NRXN1: variants seen among roughly 807,000 people sequenced by gnomAD.
The protein encoded by NRXN1 is neurexin 1.
Under a neutral mutation model 150.9 loss-of-function variants are expected in NRXN1, and 39 were observed. The observed-to-expected ratio is 0.26, with a 90% CI of 0.20 to 0.34. NRXN1 has a LOEUF of 0.34. Ranked by LOEUF, NRXN1 falls within the 10% of genes least tolerant of loss-of-function variation. The pLI, the probability that NRXN1 is intolerant of heterozygous loss-of-function variation, is 1.00. For missense variants in NRXN1, 1,815 were observed against 1,949.9 expected, an observed-to-expected ratio of 0.93 and a Z score of 1.30; for synonymous variants, 924 against 757.0, an observed-to-expected ratio of 1.22 and a Z score of -3.62.
At chr2:50,374,632 T>C (rs2080351003) in intron 17 of NRXN1, among the ~76,000 whole-genome samples, 1 of 152,112 alleles carries the variant, frequency 6.6e-6, no homozygotes, top group Non-Finnish European at 1.5e-5. Context: ...TTTAAGTGAC[T>C]TACCTTATTT....
intron 14 of NRXN1, 78 bp from the exon 15 acceptor site, chr2:50,496,173 AGATT>A (rs1446621808): frequency 6.0e-6 from 7 of 1,169,536 alleles, no homozygotes; most frequent in Non-Finnish European, 8.4e-6. Flanking sequence ...TTACAAATGG[AGATT>A]TTTTTTCAGG....
At chr2:50,173,550 G>A (rs2060157042) in intron 18 of NRXN1, among the ~76,000 whole-genome samples, 1 of 152,076 alleles carries the variant, frequency 6.6e-6, no homozygotes, top group African/African-American at 2.4e-5. Flanking sequence ...CTGAAACAAT[G>A]ACACCATGAG....
At chr2:50,414,479 C>G (rs1291804716) in intron 17 of NRXN1, among the ~76,000 whole-genome samples, 1 of 151,586 alleles carries the variant, frequency 6.6e-6, no homozygotes, top group African/African-American at 2.4e-5. Context: ...ATAAACATAC[C>G]TTTTTTTCTT....
intron 8 of NRXN1, among the ~76,000 whole-genome samples, chr2:50,587,076 T>C (rs1005776704): frequency 2.0e-5 from 3 of 152,294 alleles, no homozygotes; most frequent in African/African-American, 4.8e-5. Context: ...CCCAGCTCCC[T>C]GACCTTGGGC....
At chr2:50,107,293 G>C (rs576554437) in intron 18 of NRXN1, among the ~76,000 whole-genome samples, 1 of 147,408 alleles carries the variant, frequency 6.8e-6, no homozygotes, top group African/African-American at 2.5e-5. Flanking sequence ...TCATGCTCTT[G>C]CTTGCTAAAA....
chr2:50,711,747 T>C (rs1187845328), intron 5 of NRXN1, among the ~76,000 whole-genome samples: 1 of 152,110 alleles, frequency 6.6e-6, no homozygotes, highest in East Asian at 1.9e-4. Flanking sequence ...TGGGGCATAC[T>C]GGGAGGTATT....
intron 5 of NRXN1, among the ~76,000 whole-genome samples, chr2:50,784,818 G>C (rs556789985): frequency 6.6e-6 from 1 of 152,052 alleles, no homozygotes; most frequent in Admixed American, 6.6e-5. Flanking sequence ...TGGTAATAGT[G>C]AGGACAGGAA....
chr2:50,925,787 T>C, intron 3 of NRXN1, 151 bp downstream of exon 3: 1 of 646,546 alleles, frequency 1.5e-6, no homozygotes, highest in Non-Finnish European at 2.8e-6. Context: ...TGAGAATGTA[T>C]GTGTTCTGTA....
At chr2:50,597,244 TCAGAAGAGACTGACC>T (rs1675394468) in intron 8 of NRXN1, among the ~76,000 whole-genome samples, 1 of 152,148 alleles carries the variant, frequency 6.6e-6, no homozygotes. Context: ...TATAGCTAGC[TCAGAAGAGACTGACC>T]CTCTAGCCAT....
At chr2:50,569,978 G>A (rs1222003953) in intron 8 of NRXN1, among the ~76,000 whole-genome samples, 1 of 152,158 alleles carries the variant, frequency 6.6e-6, no homozygotes, top group Non-Finnish European at 1.5e-5. Flanking sequence ...GTCTAATACG[G>A]ATGCTCTCAA....
intron 5 of NRXN1, among the ~76,000 whole-genome samples, chr2:50,697,363 T>G (rs191967757): frequency 6.6e-6 from 1 of 152,196 alleles, no homozygotes; most frequent in Admixed American, 6.5e-5. Flanking sequence ...CTCATTAAAT[T>G]TGTGTGTGAC....
At position 50,429,007 on chromosome 2, in the gene NRXN1, C is replaced by A. The variant is rs530386386; in HGVS notation, c.3364+36435G>T. Reference sequence around the variant, plus strand: ...ATTAAATAAAACCTAGGTCTACATTCTTTGACCATTGTTTTTACTCATGTA... The same window carrying A: ...ATTAAATAAAACCTAGGTCTACATTATTTGACCATTGTTTTTACTCATGTA... On this transcript the variant is annotated intron_variant, in intron 17 of 22. Transcript: ENST00000401669. Among the ~76,000 whole-genome samples, 14 of 152,178 alleles carry A rather than the reference C, an allele frequency of 9.2e-5. No individual in the cohort carries two copies. The East Asian group carries it at 2.3e-3, about 25-fold the overall frequency.
chr2:50,806,747 CT>C (rs1338132682), intron 5 of NRXN1, among the ~76,000 whole-genome samples: 1 of 152,122 alleles, frequency 6.6e-6, no homozygotes, highest in Non-Finnish European at 1.5e-5. Context: ...CTCTCTCTCT[CT>C]TATTGAGCTA....
At position 50,683,646 on chromosome 2, in the gene NRXN1, A is replaced by T. The variant is rs1964306; in HGVS notation, c.833-60031T>A. Among the ~76,000 whole-genome samples, 14 of 14,904 alleles carry T rather than the reference A, an allele frequency of 9.4e-4. No homozygotes were observed. In the East Asian group the frequency reaches 0.011, roughly 12 times the overall value. 9.8% of individuals were successfully genotyped at this position (14,904 alleles called of 152,430 possible). ...GACTCCGTCTCAAAAAAAAAAAAAA[A>T]ATATATATATATATATATATGTTAT... On this transcript the variant is annotated intron_variant, in intron 5 of 22. Transcript: ENST00000401669.
intron 2 of NRXN1, among the ~76,000 whole-genome samples, chr2:50,927,720 T>G (rs528161756): frequency 2.6e-5 from 4 of 152,130 alleles, no homozygotes; most frequent in Admixed American, 2.6e-4. Flanking sequence ...ATATGTATTG[T>G]AAAATAATAA....
At chr2:50,183,987 A>C (rs2060907462) in intron 18 of NRXN1, among the ~76,000 whole-genome samples, 1 of 152,022 alleles carries the variant, frequency 6.6e-6, no homozygotes, top group Non-Finnish European at 1.5e-5. Flanking sequence ...TGATGTAATT[A>C]AGTTTGTGTC....
chr2:50,205,958 A>C (rs2062539387), intron 18 of NRXN1, among the ~76,000 whole-genome samples: 1 of 151,978 alleles, frequency 6.6e-6, no homozygotes, highest in African/African-American at 2.4e-5. Flanking sequence ...AAGGAGAGAG[A>C]AGGGATGTCT....
chr2:50,728,208 T>A (rs1318444220), intron 5 of NRXN1, among the ~76,000 whole-genome samples: 1 of 152,082 alleles, frequency 6.6e-6, no homozygotes, highest in Non-Finnish European at 1.5e-5. Flanking sequence ...ACTCATAATG[T>A]CCTTCTGCTA....
At chr2:50,105,906 T>C (rs1007054957) in intron 18 of NRXN1, among the ~76,000 whole-genome samples, 2 of 151,924 alleles carry the variant, frequency 1.3e-5, no homozygotes, top group Non-Finnish European at 2.9e-5. Context: ...CTATTCCTTT[T>C]ATCATAATAA....
Sources: allele counts gnomAD v4.1 joint callset (sites outside exome capture counted in the v4.1 genomes callset), GRCh38; gene constraint gnomAD v4.1.1; transcripts MANE v1.5; gene names NCBI Gene and HGNC (gene_info 2026-07-23, HGNC 2026-07-21).